The following CDH10 variants were observed in gnomAD, a reference collection of about 807,000 sequenced individuals.
CDH10 encodes the protein cadherin-10.
A neutral mutation model predicts 73.1 loss-of-function variants in CDH10; 30 were observed. That is an observed-to-expected ratio of 0.41 (90% CI 0.31 to 0.56). The LOEUF is 0.56. Among genes scored for constraint, CDH10 ranks in the 20% least tolerant of loss-of-function variants. CDH10 has a pLI of 0.27. For synonymous variants in CDH10, 345 were observed against 348.2 expected (o/e 0.99, Z 0.10); for missense variants, 815 against 973.7 (o/e 0.84, Z 2.17).
At chr5:24,637,132 G>A (rs1747892051) in intron 1 of CDH10, among the ~76,000 whole-genome samples, 1 of 151,892 alleles carries the variant, frequency 6.6e-6, no homozygotes, top group Admixed American at 6.6e-5. Flanking sequence ...AATATAACAA[G>A]TCATGTGATT....
At chr5:24,573,369 G>T (rs1451374775) in intron 2 of CDH10, among the ~76,000 whole-genome samples, 1 of 151,946 alleles carries the variant, frequency 6.6e-6, no homozygotes, top group Non-Finnish European at 1.5e-5. Context: ...GAAGGGAGTT[G>T]TTTCCAAGAG....
chr5:24,587,178 T>C (rs974449347), intron 2 of CDH10, among the ~76,000 whole-genome samples: 8 of 152,182 alleles, frequency 5.3e-5, no homozygotes, highest in Non-Finnish European at 7.3e-5. Context: ...TGTAGACATT[T>C]AGCTATATGA....
chr5:24,606,179 T>A (rs748600741), intron 1 of CDH10, among the ~76,000 whole-genome samples: 1 of 152,178 alleles, frequency 6.6e-6, no homozygotes, highest in Non-Finnish European at 1.5e-5. Context: ...AACTTTACCC[T>A]AGAAAGGATG....
intron 2 of CDH10, among the ~76,000 whole-genome samples, chr5:24,549,406 G>C (rs1377502322): frequency 6.6e-6 from 1 of 151,982 alleles, no homozygotes; most frequent in East Asian, 1.9e-4. Flanking sequence ...ACCTAACCCA[G>C]TTATACTCAA....
At chr5:24,524,297 A>T (rs937266823) in intron 5 of CDH10, among the ~76,000 whole-genome samples, 2 of 152,106 alleles carry the variant, frequency 1.3e-5, no homozygotes, top group Non-Finnish European at 1.5e-5. Flanking sequence ...GTTGAATAGA[A>T]GTATCCTACT....
rs1374459905 is a variant in CDH10 at position 24,511,416 on chromosome 5, C to G, written c.913G>C (p.Glu305Gln). ...DADTGKNAEV[E>Q]YRIIDGDGTD... is the part of the protein sequence containing the mutation. ...CCGTCACCATCAATAATTCGGTATT[C>G]TACTTCAGCATTTTTCCCAGTGTCA... is the stretch of plus-strand genomic sequence containing the variant. The change falls in exon 6 of 12, where the codon GAA (glutamate) becomes CAA (glutamine). Residue 305 changes from glutamate to glutamine, a missense_variant. By Grantham distance (29) the Glu-to-Gln change is conservative. Coordinates refer to ENST00000264463, the MANE Select transcript of CDH10 (RefSeq NM_006727.5). The G allele has an allele frequency of 6.2e-7, 1 of 1,610,916 alleles. No homozygotes were observed. The highest frequency in any genetic ancestry group is 1.1e-5 in the South Asian group (1 of 91,030).
chr5:24,568,315 C>A (rs1745238044), intron 2 of CDH10, among the ~76,000 whole-genome samples: 1 of 151,592 alleles, frequency 6.6e-6, no homozygotes, highest in African/African-American at 2.4e-5. Context: ...GCAGGCAGCA[C>A]AATTAAAAAA....
At chr5:24,608,616 G>T (rs1194683586) in intron 1 of CDH10, among the ~76,000 whole-genome samples, 5 of 152,020 alleles carry the variant, frequency 3.3e-5, no homozygotes. Flanking sequence ...TTAACAAAAG[G>T]TTTCAAAATA....
chr5:24,531,689 T>C (rs1743759231), intron 5 of CDH10, among the ~76,000 whole-genome samples: 1 of 152,056 alleles, frequency 6.6e-6, no homozygotes, highest in Non-Finnish European at 1.5e-5. Flanking sequence ...CGTGATTCAG[T>C]TACCTCCCAC....
intron 1 of CDH10, among the ~76,000 whole-genome samples, chr5:24,594,697 A>G (rs941324290): frequency 6.6e-6 from 1 of 151,902 alleles, no homozygotes; most frequent in South Asian, 2.1e-4. Context: ...ATTTTCCTGT[A>G]GATGTTCACT....
intron 2 of CDH10, among the ~76,000 whole-genome samples, chr5:24,545,873 T>C (rs1051428299): frequency 7.2e-5 from 11 of 152,142 alleles, no homozygotes; most frequent in African/African-American, 2.4e-4. Context: ...AAAGAAGTGA[T>C]AGAAATTCAA....
At chr5:24,599,798 T>C (rs913898744) in intron 1 of CDH10, among the ~76,000 whole-genome samples, 2 of 152,080 alleles carry the variant, frequency 1.3e-5, no homozygotes, top group Non-Finnish European at 2.9e-5. Context: ...TGTGAGATAG[T>C]CAAGGTTAAG....
At chr5:24,489,355 A>G (rs367990160) in intron 11 of CDH10, among the ~76,000 whole-genome samples, 3 of 152,266 alleles carry the variant, frequency 2.0e-5, no homozygotes, top group African/African-American at 7.2e-5. Context: ...TAATGTCATG[A>G]AAAAGAAAGT....
intron 2 of CDH10, among the ~76,000 whole-genome samples, chr5:24,589,202 C>T (rs1007524317): frequency 1.3e-5 from 2 of 151,978 alleles, no homozygotes; most frequent in Non-Finnish European, 2.9e-5. Flanking sequence ...TTGGAGCCGA[C>T]AAGTCTATAG....
rs2112094455 is a variant in CDH10, at chr5:24,593,476, T to A, written c.15A>T (p.Gln5His). The stretch of plus-strand genomic sequence containing the variant: ...CCCAGAATAGAAACAGTAGCAAAAA[T>A]TGATGTATTGTCATAGTTCACTTCT... Reference protein sequence around the residue: MTIHQFLLLFLFWVC... With the variant: MTIHHFLLLFLFWVC... Residue 5 changes from glutamine to histidine, a missense_variant, in exon 2 of 12, where the codon CAA (glutamine) becomes CAT (histidine). Physicochemically the swap from Gln to His is conservative, Grantham distance 24. Coordinates refer to ENST00000264463, the MANE Select transcript of CDH10 (RefSeq NM_006727.5). 6.3e-7 allele frequency: 1 copy of A among 1,582,710 alleles called. No individual in the cohort carries two copies.
At chr5:24,573,639 T>G (rs1745482482) in intron 2 of CDH10, among the ~76,000 whole-genome samples, 1 of 146,462 alleles carries the variant, frequency 6.8e-6, no homozygotes. Flanking sequence ...AGGCGGAGCT[T>G]GCAGTGAGCG....
At chr5:24,518,419 A>T (rs557738095) in intron 5 of CDH10, among the ~76,000 whole-genome samples, 1 of 152,180 alleles carries the variant, frequency 6.6e-6, no homozygotes, top group African/African-American at 2.4e-5. Context: ...ATATTCACAT[A>T]TGTATATATG....
chr5:24,509,750 G>A lies in CDH10; in HGVS notation c.1072C>T (p.Arg358Cys), dbSNP rs1481704491. ...VEAENTHVDP[R>C]FYYLGPFKDT... ...TTAAATGGTCCTAGGTAATAAAAAC[G>A]GGGATCTACATGGGTGTTTTCTGCT... Residue 358 changes from arginine (R) to cysteine (C), a missense_variant, in exon 7 of 12, where the codon CGT becomes TGT. Coordinates refer to ENST00000264463, the MANE Select transcript of CDH10 (RefSeq NM_006727.5). The A allele has an allele frequency of 2.5e-6, 4 of 1,611,930 alleles. No homozygotes were observed. The highest frequency in any genetic ancestry group is 2.5e-6 in the Non-Finnish European group (3 of 1,178,262).
At position 24,535,106 on chromosome 5, in the gene CDH10, G is replaced by C. The variant is rs779208487; in HGVS notation, c.814+6C>G. 1.9e-6 allele frequency: 3 copies of C among 1,598,256 alleles called. No homozygotes were observed. In the African/African-American group the frequency reaches 4.1e-5, roughly 22 times the overall value. ...CCCGGCAGAATGACCATTAAAGGGT[G>C]CTTACTCTGGGGGAAACGTGGTGGG... On this transcript the variant is annotated splice_donor_region_variant and intron_variant, in intron 5 of 11. Coordinates refer to ENST00000264463, the MANE Select transcript of CDH10 (RefSeq NM_006727.5).
Sources: gnomAD v4.1 joint callset for allele counts (sites outside exome capture counted in the v4.1 genomes callset) on GRCh38, gnomAD v4.1.1 for gene constraint, MANE v1.5 for transcripts, NCBI Gene and HGNC (gene_info 2026-07-23, HGNC 2026-07-21) for gene names.